The following JAKMIP3 variants were observed in gnomAD, a reference collection of about 807,000 sequenced individuals.
JAKMIP3 encodes the protein Janus kinase and microtubule interacting protein 3.
JAKMIP3 carries 58 observed loss-of-function variants against 118.5 expected under a neutral mutation model. The observed-to-expected ratio is 0.49, with a 90% CI of 0.40 to 0.61. The LOEUF is 0.61. Ranked by LOEUF, JAKMIP3 falls within the 20% of genes least tolerant of loss-of-function variation. The pLI is 0.00. For missense variants in JAKMIP3, 950 were observed against 1,109.0 expected (o/e 0.86, Z 2.04); for synonymous variants, 486 against 451.2 (o/e 1.08, Z -0.98).
intron 23 of JAKMIP3, among the ~76,000 whole-genome samples, chr10:132,171,648 CTTTCTTT>C (rs1430081584): frequency 8.0e-6 from 1 of 125,552 alleles, no homozygotes; most frequent in African/African-American, 3.3e-5. Flanking sequence ...TTATTTTTTT[CTTTCTTT>C]TTTTTTTTTT....
chr10:132,126,171 A>C (rs548715171), intron 3 of JAKMIP3, among the ~76,000 whole-genome samples: 81 of 152,174 alleles, frequency 5.3e-4, no homozygotes, highest in Admixed American at 1.0e-3. Context: ...AGAAGTGTTG[A>C]GAGTGACCAC....
intron 23 of JAKMIP3, among the ~76,000 whole-genome samples, chr10:132,171,526 A>G (rs2059478493): frequency 6.6e-6 from 1 of 152,152 alleles, no homozygotes; most frequent in Admixed American, 6.6e-5. Flanking sequence ...CTTCTCTCCA[A>G]TTAGCTTTTT....
chr10:132,116,935 G>T, intron 2 of JAKMIP3, 142 bp from the exon 3 acceptor site: 3 of 904,422 alleles, frequency 3.3e-6, no homozygotes, highest in South Asian at 3.5e-5. Context: ...AGGTGTGAGT[G>T]TGTGCAACGT....
chr10:132,060,282 G>T (rs972647168), upstream of JAKMIP3, among the ~76,000 whole-genome samples: 2 of 152,164 alleles, frequency 1.3e-5, no homozygotes, highest in Non-Finnish European at 2.9e-5. Flanking sequence ...AAACTGCCCG[G>T]CCGGGAGGTG....
At chr10:132,068,587 G>A (rs2039311804) in intron 1 of JAKMIP3, among the ~76,000 whole-genome samples, 1 of 152,216 alleles carries the variant, frequency 6.6e-6, no homozygotes, top group African/African-American at 2.4e-5. Flanking sequence ...ATGTGAGGTA[G>A]ACGTGCTTTG....
intron 16 of JAKMIP3, among the ~76,000 whole-genome samples, chr10:132,150,836 A>G (rs2056021142): frequency 6.6e-6 from 1 of 151,946 alleles, no homozygotes; most frequent in South Asian, 2.1e-4. Flanking sequence ...TCCACAATTC[A>G]TTTATCCGTC....
chr10:132,072,125 T>C (rs182068428), intron 1 of JAKMIP3, among the ~76,000 whole-genome samples: 93 of 152,098 alleles, frequency 6.1e-4, no homozygotes, highest in Non-Finnish European at 2.4e-4. Context: ...CTAATTTTTA[T>C]ACTTTTAGTT....
At chr10:132,065,447 ATTG>A (rs1482587619), upstream of JAKMIP3, among the ~76,000 whole-genome samples, 2 of 129,472 alleles carry the variant, frequency 1.5e-5, no homozygotes, top group African/African-American at 2.9e-5. The surrounding 1 kb of genome is among the most constrained non-coding windows in gnomAD (Gnocchi z 5.6). Context: ...CGTTCCTATT[ATTG>A]ACCCGCTCAC....
In JAKMIP3 at chr10:132,149,306, T is replaced by G; in HGVS notation, c.1849-106T>G. On this transcript the variant is annotated intron_variant, in intron 14 of 23. Coordinates refer to ENST00000684848, the MANE Select transcript of JAKMIP3 (RefSeq NM_001323087.2). ...TTGGTTTTCATAAATGCTGTGTTGA[T>G]CCCTGGTTCCATGGTCTTGGCCCGT... 3 of 720,040 alleles carry G rather than the reference T, an allele frequency of 4.2e-6. No homozygotes were observed. The African/African-American group carries it at 5.4e-5, about 13-fold the overall frequency. The allele number at this position is 720,040 out of a possible 1,614,324, so 44.6% of individuals were successfully genotyped here.
intron 1 of JAKMIP3, among the ~76,000 whole-genome samples, chr10:132,089,264 T>C (rs1005005850): frequency 6.6e-6 from 1 of 152,214 alleles, no homozygotes; most frequent in Admixed American, 6.5e-5. Context: ...GGTAGCTTGA[T>C]GGGGATGGCA....
chr10:132,156,533 C>T (rs1043560215), intron 19 of JAKMIP3, among the ~76,000 whole-genome samples: 4 of 152,118 alleles, frequency 2.6e-5, no homozygotes, highest in African/African-American at 7.2e-5. Context: ...CTGCCTGGGG[C>T]GCCCTCCCTT....
upstream of JAKMIP3, among the ~76,000 whole-genome samples, chr10:132,061,800 A>T (rs2038406196): frequency 6.6e-6 from 1 of 152,260 alleles, no homozygotes; most frequent in Admixed American, 6.5e-5. Flanking sequence ...TATGAGACAT[A>T]CATTTCTTAA....
At chr10:132,180,790 T>TGTGTGCGCGCGCGC (rs1283527687) in intron 23 of JAKMIP3, among the ~76,000 whole-genome samples, 1 of 139,652 alleles carries the variant, frequency 7.2e-6, no homozygotes, top group African/African-American at 2.8e-5. Context: ...TGTGCGCGTA[T>TGTGTGCGCGCGCGC]GCATGTGCTG....
chr10:132,060,385 C>T (rs773368567), upstream of JAKMIP3, among the ~76,000 whole-genome samples: 34 of 152,140 alleles, frequency 2.2e-4, no homozygotes, highest in African/African-American at 7.2e-4. Flanking sequence ...GAGAACAATA[C>T]GGCTATTCTA....
At chr10:132,154,410 T>A (rs1219000443) in intron 19 of JAKMIP3, among the ~76,000 whole-genome samples, 1 of 152,174 alleles carries the variant, frequency 6.6e-6, no homozygotes, top group Non-Finnish European at 1.5e-5. Flanking sequence ...GGTGTGGTCT[T>A]GTTCTATTTC....
upstream of JAKMIP3, among the ~76,000 whole-genome samples, chr10:132,060,857 T>C (rs576563062): frequency 6.6e-6 from 1 of 152,128 alleles, no homozygotes; most frequent in Admixed American, 6.5e-5. Flanking sequence ...CCGTCTCCAC[T>C]AAAAACACAA....
At chr10:132,085,466 T>C (rs1010045601) in intron 1 of JAKMIP3, among the ~76,000 whole-genome samples, 4 of 152,048 alleles carry the variant, frequency 2.6e-5, no homozygotes, top group African/African-American at 9.7e-5. Context: ...CTTCTTTTCT[T>C]GGTTAATCTT....
intron 9 of JAKMIP3, among the ~76,000 whole-genome samples, 189 bp from the exon 10 acceptor site, chr10:132,140,262 C>T (rs1008029020): frequency 6.6e-6 from 1 of 152,220 alleles, no homozygotes; most frequent in African/African-American, 2.4e-5. Context: ...CCCCACCCGC[C>T]CTGCCAGCCT....
At chr10:132,087,629 C>T (rs2042563810) in intron 1 of JAKMIP3, among the ~76,000 whole-genome samples, 1 of 151,092 alleles carries the variant, frequency 6.6e-6, no homozygotes. Context: ...GTTCTTTCTT[C>T]TGCTTGTTTG....
Sources: gnomAD v4.1 joint callset for allele counts (sites outside exome capture counted in the v4.1 genomes callset) on GRCh38, gnomAD v4.1.1 for gene constraint, Gnocchi (gnomAD v3.1) non-coding constraint, MANE v1.5 for transcripts, NCBI Gene and HGNC (gene_info 2026-07-23, HGNC 2026-07-21) for gene names.